Variants in OR14I1 observed in about 807,000 individuals in gnomAD.
The protein encoded by OR14I1 is olfactory receptor 14I1.
For synonymous variants in OR14I1, 118 were observed against 71.1 expected (o/e 1.66, Z -3.32); for missense variants, 279 against 181.8 (o/e 1.53, Z -3.07).
At chr1:248,692,111 C>T in the OR14I1 span, 1 of 151,696 alleles carries the variant, frequency 6.6e-6, no homozygotes, top group Non-Finnish European at 1.5e-5. Flanking sequence ...ACTGGCTCCT[C>T]TCTTCCAGAC....
chr1:248,688,665 C>T, the OR14I1 span, among the ~76,000 whole-genome samples: 1 of 152,050 alleles, frequency 6.6e-6, no homozygotes, highest in East Asian at 1.9e-4. Context: ...AATAATATTT[C>T]CCCCCACCCA....
chr1:248,686,194 G>A (rs1269686050), upstream of OR14I1, among the ~76,000 whole-genome samples: 1 of 152,152 alleles, frequency 6.6e-6, no homozygotes, highest in African/African-American at 2.4e-5. Flanking sequence ...GTGGTATGAT[G>A]AGTAATAAGA....
At chr1:248,701,710 A>G in the OR14I1 span, among the ~76,000 whole-genome samples, 1 of 152,312 alleles carries the variant, frequency 6.6e-6, no homozygotes, top group Admixed American at 6.5e-5. Flanking sequence ...AAATCAAGAG[A>G]GCGATATCAC....
the OR14I1 span, among the ~76,000 whole-genome samples, chr1:248,702,187 C>T: frequency 6.6e-6 from 1 of 152,134 alleles, no homozygotes; most frequent in Non-Finnish European, 1.5e-5. Context: ...TCAACGGTCC[C>T]CCAAGTCTTA....
the OR14I1 span, among the ~76,000 whole-genome samples, chr1:248,693,284 A>G: frequency 2.0e-5 from 3 of 152,092 alleles, no homozygotes; most frequent in Non-Finnish European, 4.4e-5. Context: ...CACGGCCAGG[A>G]GCATTGACTA....
the OR14I1 span, among the ~76,000 whole-genome samples, chr1:248,687,733 T>C: frequency 1.3e-5 from 2 of 152,198 alleles, no homozygotes; most frequent in Non-Finnish European, 2.9e-5. Context: ...GGGCCAGACA[T>C]AGGAGCAAAG....
upstream of OR14I1, among the ~76,000 whole-genome samples, chr1:248,684,777 T>TATATATATATATATATATATAC (rs1422306238): frequency 6.8e-6 from 1 of 147,800 alleles, no homozygotes; most frequent in African/African-American, 2.5e-5. Context: ...TATATATATA[T>TATATATATATATATATATATAC]ACACACACAC....
downstream of OR14I1, chr1:248,681,246 AG>A (rs1337753353): frequency 3.5e-6 from 2 of 567,906 alleles, no homozygotes; most frequent in Admixed American, 3.5e-5. Context: ...CCCATTCAAC[AG>A]GTTTTTTTTT....
upstream of OR14I1, among the ~76,000 whole-genome samples, chr1:248,685,412 A>T (rs1202465627): frequency 1.3e-5 from 2 of 152,184 alleles, no homozygotes; most frequent in African/African-American, 4.8e-5. Flanking sequence ...ACAACCAAGA[A>T]TTGCAGCTGT....
At chr1:248,691,919 GTC>G in the OR14I1 span, 124,580 of 152,102 alleles carry the variant, frequency 0.82, 51,612 homozygotes, top group Non-Finnish European at 0.88. Context: ...GGGCCTACAA[GTC>G]TCTAGGCTAG....
chr1:248,685,746 AGTT>A (rs1163598778), upstream of OR14I1, among the ~76,000 whole-genome samples: 1 of 150,234 alleles, frequency 6.7e-6, no homozygotes, highest in African/African-American at 2.4e-5. Flanking sequence ...ATATATGTAT[AGTT>A]GTGTATATGT....
At chr1:248,696,508 G>C in the OR14I1 span, among the ~76,000 whole-genome samples, 1 of 152,176 alleles carries the variant, frequency 6.6e-6, no homozygotes, top group Non-Finnish European at 1.5e-5. Flanking sequence ...TTATTATGGA[G>C]CCCCAGAGGC....
upstream of OR14I1, among the ~76,000 whole-genome samples, chr1:248,683,011 G>A (rs150466704): frequency 7.2e-5 from 11 of 152,106 alleles, 1 homozygote; most frequent in African/African-American, 2.7e-4. Flanking sequence ...TATCTCTACA[G>A]GACACACCTT....
the OR14I1 span, among the ~76,000 whole-genome samples, chr1:248,702,163 A>G: frequency 2.6e-5 from 4 of 152,200 alleles, no homozygotes; most frequent in Non-Finnish European, 4.4e-5. Context: ...ATTGAAAAAT[A>G]CAATCATCCT....
At chr1:248,701,263 T>A in the OR14I1 span, among the ~76,000 whole-genome samples, 25 of 152,166 alleles carry the variant, frequency 1.6e-4, no homozygotes, top group Admixed American at 7.9e-4. Flanking sequence ...GCGATTCTCC[T>A]GCCTCAGCCT....
At chr1:248,701,158 C>CT in the OR14I1 span, among the ~76,000 whole-genome samples, 56 of 148,558 alleles carry the variant, frequency 3.8e-4, no homozygotes, top group Middle Eastern at 0.014. Context: ...ACACTTTTAA[C>CT]TTTTTTTTTT....
upstream of OR14I1, among the ~76,000 whole-genome samples, chr1:248,686,217 T>G (rs1029401762): frequency 1.1e-4 from 17 of 152,318 alleles, no homozygotes; most frequent in Middle Eastern, 3.4e-3. Context: ...AAAAGAGACC[T>G]GAATTCTTGT....
At chr1:248,680,426 T>C (rs751335941), downstream of OR14I1, among the ~76,000 whole-genome samples, 22 of 152,176 alleles carry the variant, frequency 1.4e-4, no homozygotes, top group Admixed American at 6.5e-4. Flanking sequence ...AAGACTCTTA[T>C]CCTGAACCAA....
upstream of OR14I1, among the ~76,000 whole-genome samples, chr1:248,685,456 C>T (rs2103135075): frequency 6.6e-6 from 1 of 152,256 alleles, no homozygotes; most frequent in African/African-American, 2.4e-5. Flanking sequence ...ACCCACCCTT[C>T]CAGCAGAATC....
Sources: allele counts gnomAD v4.1 joint callset (sites outside exome capture counted in the v4.1 genomes callset), GRCh38; gene constraint gnomAD v4.1.1; transcripts MANE v1.5; gene names NCBI Gene and HGNC (gene_info 2026-07-23, HGNC 2026-07-21).